Variants in PIK3R6 observed in about 807,000 individuals in gnomAD.
The protein encoded by PIK3R6 is phosphoinositide 3-kinase regulatory subunit 6.
In PIK3R6, 91 loss-of-function variants were observed where a neutral mutation model predicts 84.9. The observed-to-expected ratio is 1.07, with a 90% CI of 0.90 to 1.28. The LOEUF is 1.28. Among genes scored for constraint, PIK3R6 ranks in the 50% most tolerant of loss-of-function variants. The probability of loss-of-function intolerance (pLI) is 0.00; values close to 1 mark genes in which losing one functional copy is unlikely to be tolerated. For missense variants in PIK3R6, 996 were observed against 985.1 expected (o/e 1.01, Z -0.15); for synonymous variants, 416 against 411.4 (o/e 1.01, Z -0.13).
At chr17:8,806,578 A>C (rs73973212) in intron 18 of PIK3R6, among the ~76,000 whole-genome samples, 3 of 152,354 alleles carry the variant, frequency 2.0e-5, no homozygotes, top group African/African-American at 7.2e-5. Flanking sequence ...CATGGGAGCC[A>C]GTGGAAAGGG....
intron 10 of PIK3R6, 31 bp downstream of exon 10, chr17:8,829,675 A>G: frequency 6.5e-7 from 1 of 1,538,604 alleles, no homozygotes; most frequent in East Asian, 2.4e-5. Context: ...GACATATACC[A>G]CTGTTTCCAG....
Position 8,826,255 on chromosome 17 carries a change from T to C in PIK3R6, c.1515+917A>G, listed in dbSNP as rs574386718. 3.9e-5 allele frequency among the ~76,000 whole-genome samples: 6 copies of C among 152,368 alleles called. No homozygotes were observed. In the East Asian group the frequency reaches 9.6e-4, roughly 24 times the overall value. ...GTTTAGAACAGTGCCCAGTGCAGCATAAGTGCTCAGGAAACATCAGCTGTT... is the reference window on the plus strand; with the variant it reads ...GTTTAGAACAGTGCCCAGTGCAGCACAAGTGCTCAGGAAACATCAGCTGTT... On this transcript the variant is annotated intron_variant, in intron 13 of 19. Coordinates refer to ENST00000619866, the MANE Select transcript of PIK3R6 (RefSeq NM_001010855.4).
At chr17:8,835,694 G>A (rs2088432570) in intron 7 of PIK3R6, among the ~76,000 whole-genome samples, 1 of 152,138 alleles carries the variant, frequency 6.6e-6, no homozygotes, top group African/African-American at 2.4e-5. Flanking sequence ...GTCCACAGAG[G>A]AAAGCAGGCC....
intron 16 of PIK3R6, among the ~76,000 whole-genome samples, 169 bp from the exon 17 acceptor site, chr17:8,822,105 G>C (rs2087755560): frequency 6.7e-6 from 1 of 148,682 alleles, no homozygotes; most frequent in Non-Finnish European, 1.5e-5. Flanking sequence ...GCCCAGGCTG[G>C]TCTTGAACTC....
chr17:8,817,010 T>C lies in PIK3R6; in HGVS notation c.1995+2073A>G, dbSNP rs2087563344. On this transcript the variant is annotated intron_variant, in intron 18 of 19. Transcript: ENST00000619866. The stretch of plus-strand genomic sequence containing the variant: ...AATGAGAACTTACTTAAATGTCGTC[T>C]TAGAATTTATTTACATAATTATACA... Among the ~76,000 whole-genome samples the C allele has an allele frequency of 2.0e-5, 3 of 152,362 alleles. No individual in the cohort carries two copies. In the South Asian group the frequency reaches 6.2e-4, roughly 32 times the overall value.
rs756893437 is a variant in PIK3R6 at position 8,829,601 on chromosome 17, T to TAC, written c.889+103_889+104dup. On this transcript the variant is annotated intron_variant, in intron 10 of 19. Coordinates refer to ENST00000619866, the MANE Select transcript of PIK3R6 (RefSeq NM_001010855.4). ...AGACACACTGACACACACTCATGCATACACACACTGACACACGCATGCACA... is the reference window on the plus strand; with the variant it reads ...AGACACACTGACACACACTCATGCATACACACACACTGACACACGCATGCACA... 6,308 of 1,126,198 alleles carry TAC rather than the reference T, an allele frequency of 5.6e-3. 127 individuals are homozygous for TAC. The highest frequency in any genetic ancestry group is 0.049 in the African/African-American group (2,543 of 51,580). 69.8% of individuals were successfully genotyped at this position (1,126,198 alleles called of 1,614,324 possible).
intron 10 of PIK3R6, among the ~76,000 whole-genome samples, chr17:8,829,329 C>T (rs996032686): frequency 2.7e-5 from 4 of 146,704 alleles, no homozygotes; most frequent in African/African-American, 7.8e-5. Flanking sequence ...CACGCATACA[C>T]CCATGCAAGC....
At chr17:8,856,678 T>TTG (rs942420086) in intron 1 of PIK3R6, among the ~76,000 whole-genome samples, 4 of 152,164 alleles carry the variant, frequency 2.6e-5, no homozygotes, top group African/African-American at 7.2e-5. Context: ...TCACCTGTAC[T>TTG]TGTGTGTGTG....
At chr17:8,818,812 C>T (rs2087625675) in intron 18 of PIK3R6, among the ~76,000 whole-genome samples, 1 of 152,154 alleles carries the variant, frequency 6.6e-6, no homozygotes, top group Admixed American at 6.5e-5. Context: ...TTGCAGTCAT[C>T]TGGGTATGTC....
intron 1 of PIK3R6, among the ~76,000 whole-genome samples, chr17:8,854,926 G>C (rs1464248389): frequency 6.6e-6 from 1 of 152,218 alleles, no homozygotes; most frequent in Non-Finnish European, 1.5e-5. Context: ...GGGCACAGTG[G>C]CTCACACCTG....
Position 8,828,904 on chromosome 17 carries a change from G to A in PIK3R6, c.976C>T (p.Pro326Ser). Residue 326 changes from proline (P) to serine (S), a missense_variant, in exon 11 of 20, where the codon CCG (proline) becomes TCG (serine). Transcript: ENST00000619866. ...GAAACCCGGGCCAACTCCCGGTCCG[G>A]CCGGAGGCCCTGCAGATCCAAGACC... ...LEVLDLQGLR[P>S]DRELARVSVL... is the part of the protein sequence containing the mutation. The A allele has an allele frequency of 6.4e-7, 1 of 1,552,184 alleles. No homozygotes were observed. The highest frequency in any genetic ancestry group is 1.2e-5 in the South Asian group (1 of 82,010).
In PIK3R6 at chr17:8,849,765, C is replaced by T. The variant is rs765133701; in HGVS notation, c.13+17G>A. On this transcript the variant is annotated intron_variant, in intron 2 of 19. Coordinates refer to ENST00000619866, the MANE Select transcript of PIK3R6 (RefSeq NM_001010855.4). ...GGCAGCAGGCTCACTAGACCCCTTTCCCCCCACCACACTGACCTGAGCTCT... is the reference window on the plus strand; with the variant it reads ...GGCAGCAGGCTCACTAGACCCCTTTTCCCCCACCACACTGACCTGAGCTCT... The T allele has an allele frequency of 3.4e-5, 54 of 1,610,012 alleles. No individual in the cohort carries two copies. The East Asian group carries it at 6.3e-4, about 19-fold the overall frequency.
In PIK3R6 at chr17:8,828,675, C is replaced by A; in HGVS notation, c.1205G>T (p.Gly402Val). 2 of 1,612,376 alleles carry A rather than the reference C, an allele frequency of 1.2e-6. No homozygotes were observed. Among genetic ancestry groups the A allele is most frequent in the Non-Finnish European group, 1.7e-6 (2 of 1,179,366 alleles). The change falls in exon 11 of 20, where the codon GGG (glycine) becomes GTG (valine). Residue 402 changes from glycine to valine, a missense_variant. Gly to Val is a moderately radical substitution (Grantham distance 109). Transcript: ENST00000619866. ...GLHRRTGRPS[G>V]DGEMLPGVSR... is the part of the protein sequence containing the mutation. ...CACGCCGGGCAGCATTTCCCCATCC[C>A]CACTGGGCCGGCCTGTCCTCCGGTG...
chr17:8,834,957 C>T lies in PIK3R6; in HGVS notation c.645+316G>A, dbSNP rs2088401205. On this transcript the variant is annotated intron_variant, in intron 8 of 19. Transcript: ENST00000619866. ...GGTTCAAGCTATTCTCCTGCCTCAG[C>T]CTCCAGAGTAGCTAGGATTACAGGT... Among the ~76,000 whole-genome samples, 3 of 152,112 alleles carry T rather than the reference C, an allele frequency of 2.0e-5. No individual in the cohort carries two copies. The South Asian group carries it at 6.2e-4, about 32-fold the overall frequency.
chr17:8,867,574 C>T lies in PIK3R6; in HGVS notation c.-137G>A, dbSNP rs757338597. 1 of 509,416 alleles carries T rather than the reference C, an allele frequency of 2.0e-6. No homozygotes were observed. The highest frequency in any genetic ancestry group is 3.9e-6 in the Non-Finnish European group (1 of 253,934). 31.6% of individuals were successfully genotyped at this position (509,416 alleles called of 1,614,324 possible). On this transcript the variant is annotated 5_prime_UTR_variant, in exon 1 of 20. Transcript: ENST00000619866. ...TGGGCTCCCCAAGTCCTTCAGCCAA[C>T]TCCCCACGGTCCTGAGCGAGGTCCC...
In PIK3R6 at chr17:8,842,781, A is replaced by G. The variant is rs1207348125; in HGVS notation, c.14-3084T>C. 6.6e-6 allele frequency among the ~76,000 whole-genome samples: 1 copy of G among 152,140 alleles called. No individual in the cohort carries two copies. Among genetic ancestry groups the G allele is most frequent in the Non-Finnish European group, 1.5e-5 (1 of 68,028 alleles). On this transcript the variant is annotated intron_variant, in intron 2 of 19. Coordinates refer to ENST00000619866, the MANE Select transcript of PIK3R6 (RefSeq NM_001010855.4). This position sits in a 1 kb window ranked among gnomAD's most constrained non-coding sequence, Gnocchi z 4.5. ...AATTAGCTCATCTCATGTGACAGGG[A>G]TCTCTCTTCTTGGCTCCTTTTTGGT...
intron 1 of PIK3R6, among the ~76,000 whole-genome samples, chr17:8,861,105 C>G (rs2089270402): frequency 6.7e-6 from 1 of 150,080 alleles, no homozygotes; most frequent in South Asian, 2.1e-4. Flanking sequence ...TTGCTTGAAT[C>G]TGGGAGGCAG....
rs181027757 is a variant in PIK3R6, at chr17:8,844,066, C to G, written c.14-4369G>C. Among the ~76,000 whole-genome samples, 2 of 152,176 alleles carry G rather than the reference C, an allele frequency of 1.3e-5. No homozygotes were observed. The highest frequency in any genetic ancestry group is 6.5e-5 in the Admixed American group (1 of 15,276). ...GTTCCAGGGAATGAGGAAAATCAGA[C>G]CGGCTGGGACAAAGCTTACCAGTGG... On this transcript the variant is annotated intron_variant, in intron 2 of 19. Coordinates refer to ENST00000619866, the MANE Select transcript of PIK3R6 (RefSeq NM_001010855.4). This position sits in a 1 kb window ranked among gnomAD's most constrained non-coding sequence, Gnocchi z 4.5.
intron 1 of PIK3R6, among the ~76,000 whole-genome samples, chr17:8,853,182 T>TG (rs1180339955): frequency 6.6e-6 from 1 of 151,044 alleles, no homozygotes; most frequent in Non-Finnish European, 1.5e-5. Context: ...AGCTCCAAAT[T>TG]TTTTTTTTAA....
Sources: allele counts gnomAD v4.1 joint callset (sites outside exome capture counted in the v4.1 genomes callset), GRCh38; gene constraint gnomAD v4.1.1; non-coding constraint Gnocchi (gnomAD v3.1); transcripts MANE v1.5; gene names NCBI Gene and HGNC (gene_info 2026-07-23, HGNC 2026-07-21).